Variants in EPAS1 observed in about 807,000 individuals in gnomAD.
EPAS1 encodes the protein endothelial PAS domain-containing protein 1.
EPAS1 carries 23 observed loss-of-function variants against 87.9 expected under a neutral mutation model. The observed-to-expected ratio is 0.26, with a 90% confidence interval of 0.19 to 0.37. The LOEUF (loss-of-function observed/expected upper bound fraction) is 0.37, where lower values mean the gene tolerates loss of function less well. Ranked by LOEUF, EPAS1 falls within the 10% of genes least tolerant of loss-of-function variation. EPAS1 has a pLI of 1.00. For synonymous variants in EPAS1, 508 were observed against 444.3 expected, an observed-to-expected ratio of 1.14 and a Z score of -1.80; for missense variants, 1,138 against 1,120.7, an observed-to-expected ratio of 1.02 and a Z score of -0.22.
At chr2:46,312,455 G>T (rs1347892706) in intron 1 of EPAS1, among the ~76,000 whole-genome samples, 3 of 152,108 alleles carry the variant, frequency 2.0e-5, no homozygotes, top group African/African-American at 7.2e-5. Context: ...ATAAAACCAT[G>T]CATTTTTAAA....
chr2:46,346,748 A>C lies in EPAS1; in HGVS notation c.27-125A>C. Reference sequence around the variant, plus strand: ...GTGTGTGGCTCAGACAACTGGTGTGAGCCCAGATCAGTCTAGTAAGGGAGT... The same window carrying C: ...GTGTGTGGCTCAGACAACTGGTGTGCGCCCAGATCAGTCTAGTAAGGGAGT... On this transcript the variant is annotated intron_variant, in intron 1 of 15. Transcript: ENST00000263734. The surrounding 1 kb of genome is among the most constrained non-coding windows in gnomAD (Gnocchi z 4.0). The C allele has an allele frequency of 2.1e-6, 2 of 962,174 alleles. No individual in the cohort carries two copies. Among genetic ancestry groups the C allele is most frequent in the African/African-American group, 3.2e-5 (2 of 62,030 alleles). 59.6% of individuals were successfully genotyped at this position (962,174 alleles called of 1,614,324 possible). A position where few individuals can be genotyped will look rare whatever the true frequency, so the allele number is the denominator to read the frequency against.
intron 1 of EPAS1, among the ~76,000 whole-genome samples, chr2:46,313,291 A>T (rs547021565): frequency 3.5e-4 from 53 of 152,144 alleles, no homozygotes; most frequent in African/African-American, 1.1e-3. Context: ...CTCATCCCTC[A>T]GCCCCACCCA....
At position 46,360,089 on chromosome 2, in the gene EPAS1, A is replaced by G. The variant is rs1684357269; in HGVS notation, c.455-549A>G. 6.6e-6 allele frequency among the ~76,000 whole-genome samples: 1 copy of G among 152,174 alleles called. No individual in the cohort carries two copies. The highest frequency in any genetic ancestry group is 1.5e-5 in the Non-Finnish European group (1 of 68,022). ...ATATGTCACTTCAGGGACAAAGCTAATGGCATGGTATCCTGAACACAGCTA... is the reference window on the plus strand; with the variant it reads ...ATATGTCACTTCAGGGACAAAGCTAGTGGCATGGTATCCTGAACACAGCTA... On this transcript the variant is annotated intron_variant, in intron 4 of 15. Transcript: ENST00000263734. This position sits in a 1 kb window ranked among gnomAD's most constrained non-coding sequence, Gnocchi z 4.5.
rs1020611181 is a variant in EPAS1, at chr2:46,300,362, T to C, written c.26+2425T>C. 6.6e-6 allele frequency among the ~76,000 whole-genome samples: 1 copy of C among 152,236 alleles called. No homozygotes were observed. Among genetic ancestry groups the C allele is most frequent in the African/African-American group, 2.4e-5 (1 of 41,452 alleles). The stretch of plus-strand genomic sequence containing the variant: ...GCAGTTTCTTCCCCCAAATGCAATA[T>C]GGGCAGAACATTTGGAATATTCGTT... On this transcript the variant is annotated intron_variant, in intron 1 of 15. Transcript: ENST00000263734. This position sits in a 1 kb window ranked among gnomAD's most constrained non-coding sequence, Gnocchi z 4.1.
chr2:46,338,954 A>C (rs190510701), intron 1 of EPAS1, among the ~76,000 whole-genome samples: 251 of 152,272 alleles, frequency 1.6e-3, no homozygotes, highest in African/African-American at 5.6e-3. Context: ...TGAGGTGGCT[A>C]CGGGGAGCTG....
chr2:46,343,391 A>G (rs1572629860), intron 1 of EPAS1, among the ~76,000 whole-genome samples: 3 of 152,362 alleles, frequency 2.0e-5, no homozygotes, highest in Admixed American at 6.5e-5. Context: ...GAAAGTATCA[A>G]CACAGCACAG....
At position 46,347,192 on chromosome 2, in the gene EPAS1, C is replaced by T; in HGVS notation, c.217+129C>T. 2 of 953,468 alleles carry T rather than the reference C, an allele frequency of 2.1e-6. No individual in the cohort carries two copies. Among genetic ancestry groups the T allele is most frequent in the South Asian group, 2.7e-5 (2 of 75,244 alleles). 59.1% of individuals were successfully genotyped at this position (953,468 alleles called of 1,614,324 possible). A position where few individuals can be genotyped will look rare whatever the true frequency, so the allele number is the denominator to read the frequency against. ...TACAGAACTTTCACCCACAGAAACA[C>T]CATCATGAGTGATTTATTCCTTCAT... On this transcript the variant is annotated intron_variant, in intron 2 of 15. Coordinates refer to ENST00000263734, the MANE Select transcript of EPAS1 (RefSeq NM_001430.5). This position sits in a 1 kb window ranked among gnomAD's most constrained non-coding sequence, Gnocchi z 4.2.
At chr2:46,342,080 T>G (rs1320427400) in intron 1 of EPAS1, among the ~76,000 whole-genome samples, 1 of 152,086 alleles carries the variant, frequency 6.6e-6, no homozygotes, top group African/African-American at 2.4e-5. Flanking sequence ...CTTTTAAAAC[T>G]CCCATTGCCC....
intron 1 of EPAS1, 41 bp downstream of exon 1, chr2:46,297,978 C>T (rs1682919264): frequency 6.2e-7 from 1 of 1,608,196 alleles, no homozygotes; most frequent in Non-Finnish European, 8.5e-7. Flanking sequence ...CGGTCCGAGG[C>T]CAGGGCCGGG....
At chr2:46,312,035 C>T (rs945929650) in intron 1 of EPAS1, among the ~76,000 whole-genome samples, 5 of 152,168 alleles carry the variant, frequency 3.3e-5, no homozygotes, top group African/African-American at 1.2e-4. Context: ...AGGGCAATGA[C>T]GACAACTTAA....
At position 46,360,463 on chromosome 2, in the gene EPAS1, T is replaced by A. The variant is rs1356587030; in HGVS notation, c.455-175T>A. Among the ~76,000 whole-genome samples, 1 of 152,188 alleles carries A rather than the reference T, an allele frequency of 6.6e-6. No individual in the cohort carries two copies. The highest frequency in any genetic ancestry group is 1.9e-4 in the East Asian group (1 of 5,206). ...GAGATAAGCTTGAGAGTGGGAACCA[T>A]TAGTTCACAGGCCATGATGGAGCTC... On this transcript the variant is annotated intron_variant, in intron 4 of 15. Transcript: ENST00000263734. This position sits in a 1 kb window ranked among gnomAD's most constrained non-coding sequence, Gnocchi z 4.5.
Position 46,382,087 on chromosome 2 carries a change from A to C in EPAS1, c.2285A>C (p.Asn762Thr), listed in dbSNP as rs372745004. The change falls in exon 14 of 16, where the codon AAT (asparagine) becomes ACT (threonine). Residue 762 changes from asparagine to threonine, a missense_variant and splice_region_variant. Transcript: ENST00000263734. ...AAGCCACTGAGCGCAAATGTACCCA[A>C]TGGTGAGCAGCGGCCACAGGCCTGG... is the stretch of plus-strand genomic sequence containing the variant. ...PDKPLSANVPNDKFTQNPMRG... is the reference protein window; with the variant it reads ...PDKPLSANVPTDKFTQNPMRG... 3 of 1,613,372 alleles carry C rather than the reference A, an allele frequency of 1.9e-6. No individual in the cohort carries two copies. The highest frequency in any genetic ancestry group is 1.7e-6 in the Non-Finnish European group (2 of 1,179,722).
intron 2 of EPAS1, 27 bp from the exon 3 acceptor site, chr2:46,356,124 A>G: frequency 7.9e-5 from 106 of 1,335,114 alleles, no homozygotes; most frequent in Non-Finnish European, 1.0e-4. Flanking sequence ...CATTCATGCA[A>G]GCTGTCCCAC....
chr2:46,316,782 CT>C (rs1375386438), intron 1 of EPAS1, among the ~76,000 whole-genome samples: 5 of 152,144 alleles, frequency 3.3e-5, no homozygotes, highest in Admixed American at 2.0e-4. Flanking sequence ...ATAGAGTCTT[CT>C]TTTCAGGAAA....
rs893617563 is a variant in EPAS1, at chr2:46,346,022, C to A, written c.27-851C>A. ...ATGATTTATTTACAGAGCTAACAAGCAGAGAAGTTAGAACTCCAATCTAAA... is the reference window on the plus strand; with the variant it reads ...ATGATTTATTTACAGAGCTAACAAGAAGAGAAGTTAGAACTCCAATCTAAA... On this transcript the variant is annotated intron_variant, in intron 1 of 15. Transcript: ENST00000263734. This position sits in a 1 kb window ranked among gnomAD's most constrained non-coding sequence, Gnocchi z 4.0. 6.6e-6 allele frequency among the ~76,000 whole-genome samples: 1 copy of A among 152,174 alleles called. No homozygotes were observed. Among genetic ancestry groups the A allele is most frequent in the Non-Finnish European group, 1.5e-5 (1 of 68,032 alleles).
rs1337410292 is a variant in EPAS1 at position 46,386,558 on chromosome 2, C to T, written c.*1898C>T. Reference sequence around the variant, plus strand: ...AAAAATATTCCAAGCTTCATATTAACCCTACCTGTCAACGTAACGATTTCA... The same window carrying T: ...AAAAATATTCCAAGCTTCATATTAATCCTACCTGTCAACGTAACGATTTCA... On this transcript the variant is annotated 3_prime_UTR_variant, in exon 16 of 16. Coordinates refer to ENST00000263734, the MANE Select transcript of EPAS1 (RefSeq NM_001430.5). 6.6e-6 allele frequency: 1 copy of T among 152,638 alleles called. No individual in the cohort carries two copies. Among genetic ancestry groups the T allele is most frequent in the African/African-American group, 2.4e-5 (1 of 41,444 alleles). The allele number at this position is 152,638 out of a possible 1,614,324, so 9.5% of individuals were successfully genotyped here.
At chr2:46,366,425 G>C (rs1272556554) in intron 6 of EPAS1, among the ~76,000 whole-genome samples, 6 of 152,166 alleles carry the variant, frequency 3.9e-5, no homozygotes, top group Non-Finnish European at 8.8e-5. Context: ...ACCAACTTCA[G>C]AATTTAACAA....
intron 2 of EPAS1, 92 bp from the exon 3 acceptor site, chr2:46,356,059 T>A: frequency 7.0e-7 from 1 of 1,421,600 alleles, no homozygotes; most frequent in Non-Finnish European, 9.9e-7. Flanking sequence ...CCCAATGCCT[T>A]TGCACCATCC....
chr2:46,339,924 A>G (rs1395465436), intron 1 of EPAS1, among the ~76,000 whole-genome samples: 4 of 152,182 alleles, frequency 2.6e-5, no homozygotes, highest in African/African-American at 9.6e-5. Context: ...TCATGAGTTA[A>G]TCACCTCCCA....
Sources: allele counts gnomAD v4.1 joint callset (sites outside exome capture counted in the v4.1 genomes callset), GRCh38; gene constraint gnomAD v4.1.1; non-coding constraint Gnocchi (gnomAD v3.1); transcripts MANE v1.5; gene names NCBI Gene and HGNC (gene_info 2026-07-23, HGNC 2026-07-21).